The following DMXL1 variants were observed in gnomAD, a reference collection of about 807,000 sequenced individuals.
DMXL1 encodes the protein dmX-like protein 1.
A neutral mutation model predicts 319.2 loss-of-function variants in DMXL1; 99 were observed. The ratio of observed to expected loss-of-function variants is 0.31; its 90% CI spans 0.26 to 0.37. The LOEUF is 0.37. Among genes scored for constraint, DMXL1 ranks in the 10% least tolerant of loss-of-function variants. The pLI is 1.00. For synonymous variants in DMXL1, 1,385 were observed against 1,235.2 expected (o/e 1.12, Z -2.54); for missense variants, 3,745 against 3,595.6 (o/e 1.04, Z -1.06).
intron 1 of DMXL1, among the ~76,000 whole-genome samples, chr5:119,077,634 CTTTTTTT>C (rs1051388359): frequency 5.7e-5 from 4 of 70,720 alleles, no homozygotes. Context: ...CCATTCCTGG[CTTTTTTT>C]TTTTTTTTTT....
chr5:119,203,029 A>G (rs1781107925), intron 32 of DMXL1, among the ~76,000 whole-genome samples: 1 of 151,594 alleles, frequency 6.6e-6, no homozygotes, highest in African/African-American at 2.4e-5. Flanking sequence ...CTGAAAACAT[A>G]TGAAATTCAA....
chr5:119,076,883 G>A (rs1580543568), intron 1 of DMXL1, among the ~76,000 whole-genome samples: 1 of 152,170 alleles, frequency 6.6e-6, no homozygotes, highest in Non-Finnish European at 1.5e-5. Context: ...AATTCTTCCT[G>A]TGCATCGTGT....
At chr5:119,155,794 T>C (rs1581060479) in intron 19 of DMXL1, among the ~76,000 whole-genome samples, 1 of 131,444 alleles carries the variant, frequency 7.6e-6, no homozygotes, top group South Asian at 2.6e-4. Context: ...ACCACTGCAC[T>C]CCAGCCTGGG....
chr5:119,103,539 G>A (rs575596909), intron 3 of DMXL1, among the ~76,000 whole-genome samples: 46 of 152,248 alleles, frequency 3.0e-4, no homozygotes, highest in African/African-American at 1.1e-3. Context: ...CTAGGTGTGA[G>A]TGTTCTTTCC....
At position 119,109,917 on chromosome 5, in the gene DMXL1, C is replaced by T. The variant is rs988490138; in HGVS notation, c.365-234C>T. Among the ~76,000 whole-genome samples the T allele has an allele frequency of 8.6e-5, 13 of 152,042 alleles. No individual in the cohort carries two copies. The East Asian group carries it at 1.3e-3, about 16-fold the overall frequency. On this transcript the variant is annotated intron_variant, in intron 4 of 43. Transcript: ENST00000539542. ...TATTTCCAATGTCTAGCACAGTGCC[C>T]GGGACAAAGAAGATGCTCATTAAAT...
intron 29 of DMXL1, among the ~76,000 whole-genome samples, chr5:119,192,008 T>C (rs1330761245): frequency 6.6e-6 from 1 of 152,248 alleles, no homozygotes; most frequent in African/African-American, 2.4e-5. Flanking sequence ...CCAAGCTCTT[T>C]ACTCAGCTGT....
chr5:119,119,807 G>A (rs989929676), intron 8 of DMXL1, among the ~76,000 whole-genome samples: 15 of 151,798 alleles, frequency 9.9e-5, no homozygotes, highest in Middle Eastern at 3.2e-3. Context: ...CATGGCGCTC[G>A]GCCTATTATT....
At chr5:119,086,398 A>C (rs983437390) in intron 1 of DMXL1, among the ~76,000 whole-genome samples, 18 of 152,200 alleles carry the variant, frequency 1.2e-4, no homozygotes, top group African/African-American at 4.3e-4. Flanking sequence ...GATGAATGCC[A>C]CTTTATCATG....
intron 28 of DMXL1, among the ~76,000 whole-genome samples, chr5:119,183,769 T>C (rs1159807439): frequency 6.6e-6 from 1 of 152,136 alleles, no homozygotes. Context: ...AGGAGTACAT[T>C]TTTGTTAGAC....
At chr5:119,099,644 A>C (rs1756787490) in intron 2 of DMXL1, among the ~76,000 whole-genome samples, 1 of 152,196 alleles carries the variant, frequency 6.6e-6, no homozygotes, top group African/African-American at 2.4e-5. Context: ...TTAAAAATAT[A>C]ATTTAATACT....
chr5:119,222,187 G>A (rs1380550221), intron 37 of DMXL1, among the ~76,000 whole-genome samples: 10 of 152,118 alleles, frequency 6.6e-5, no homozygotes, highest in Non-Finnish European at 1.3e-4. Context: ...AGTATCTGTT[G>A]TAGTTGTTAT....
At chr5:119,191,198 G>C (rs1466499628) in intron 29 of DMXL1, among the ~76,000 whole-genome samples, 1 of 152,068 alleles carries the variant, frequency 6.6e-6, no homozygotes, top group East Asian at 1.9e-4. Context: ...ATTTTTGTAG[G>C]CATGCAATAC....
intron 38 of DMXL1, among the ~76,000 whole-genome samples, chr5:119,232,318 G>C (rs77545669): frequency 0.04 from 6,039 of 152,216 alleles, 321 homozygotes; most frequent in African/African-American, 0.13. Flanking sequence ...AATGGTAAAA[G>C]CTTTCAAACC....
At chr5:119,110,793 T>C (rs1759404570) in intron 5 of DMXL1, among the ~76,000 whole-genome samples, 1 of 152,156 alleles carries the variant, frequency 6.6e-6, no homozygotes, top group South Asian at 2.1e-4. Context: ...ATCAAGCATT[T>C]TGTTATTGAT....
intron 28 of DMXL1, among the ~76,000 whole-genome samples, chr5:119,186,831 G>T (rs1777805684): frequency 6.6e-6 from 1 of 150,946 alleles, no homozygotes; most frequent in Admixed American, 6.6e-5. Context: ...TTAAGGGAAG[G>T]AAGGTGTATT....
At position 119,233,483 on chromosome 5, in the gene DMXL1, G is replaced by C; in HGVS notation, c.8466+16G>C. On this transcript the variant is annotated intron_variant, in intron 39 of 43. Transcript: ENST00000539542. ...GGGAAATAAGGTATTATATAAAAAT[G>C]TAAATGGTAAAAAATTTATTGTGTT... The C allele has an allele frequency of 6.2e-7, 1 of 1,600,736 alleles. No homozygotes were observed. The highest frequency in any genetic ancestry group is 8.5e-7 in the Non-Finnish European group (1 of 1,170,720).
intron 42 of DMXL1, among the ~76,000 whole-genome samples, chr5:119,241,071 T>C (rs1434856340): frequency 1.3e-5 from 2 of 152,186 alleles, no homozygotes; most frequent in African/African-American, 4.8e-5. Flanking sequence ...AATAGCCTAG[T>C]GTTTACTGGA....
intron 41 of DMXL1, among the ~76,000 whole-genome samples, chr5:119,239,852 G>A (rs1788436980): frequency 6.6e-6 from 1 of 151,760 alleles, no homozygotes; most frequent in Admixed American, 6.6e-5. Flanking sequence ...AGCTACTCTG[G>A]GGGCTGAGGC....
chr5:119,093,701 T>G (rs1214529852), intron 1 of DMXL1, among the ~76,000 whole-genome samples: 1 of 152,200 alleles, frequency 6.6e-6, no homozygotes, highest in East Asian at 1.9e-4. Context: ...CTAGGCCTAT[T>G]GTGCTAGTTA....
Sources: gnomAD v4.1 joint callset for allele counts (sites outside exome capture counted in the v4.1 genomes callset) on GRCh38, gnomAD v4.1.1 for gene constraint, MANE v1.5 for transcripts, NCBI Gene and HGNC (gene_info 2026-07-23, HGNC 2026-07-21) for gene names.